ELMO1: variants seen among roughly 807,000 people sequenced by gnomAD.
ELMO1 encodes engulfment and cell motility 1, also known as engulfment and cell motility protein 1.
Under a neutral mutation model 98.9 loss-of-function variants are expected in ELMO1, and 26 were observed. That is an observed-to-expected ratio of 0.26 (90% CI 0.19 to 0.36). ELMO1 has a LOEUF of 0.36. Among genes scored for constraint, ELMO1 ranks in the 10% least tolerant of loss-of-function variants. The pLI, the probability that ELMO1 is intolerant of heterozygous loss-of-function variation, is 1.00. For missense variants in ELMO1, 627 were observed against 935.2 expected, an observed-to-expected ratio of 0.67 and a Z score of 4.30; for synonymous variants, 346 against 346.0, an observed-to-expected ratio of 1.00 and a Z score of 0.00.
At chr7:37,032,421 A>C (rs1293112608) in intron 15 of ELMO1, among the ~76,000 whole-genome samples, 1 of 152,150 alleles carries the variant, frequency 6.6e-6, no homozygotes, top group Non-Finnish European at 1.5e-5. Flanking sequence ...GAAGGTCAGT[A>C]ACTGGATGCT....
intron 16 of ELMO1, among the ~76,000 whole-genome samples, chr7:36,899,682 A>ACCTTTTTTTTTTTTTTTTTTTTTT (rs1806332124): frequency 1.9e-4 from 1 of 5,396 alleles, no homozygotes; most frequent in African/African-American, 5.8e-4. Context: ...ATCTTTACTC[A>ACCTTTTTTTTTTTTTTTTTTTTTT]TCTTTTTTTT....
At chr7:36,857,962 A>G (rs1802333768) in intron 21 of ELMO1, among the ~76,000 whole-genome samples, 1 of 151,410 alleles carries the variant, frequency 6.6e-6, no homozygotes, top group African/African-American at 2.4e-5. Flanking sequence ...TGCCAACCCA[A>G]TGGTGTTCCT....
At chr7:37,146,899 G>A (rs1317439106) in intron 13 of ELMO1, among the ~76,000 whole-genome samples, 2 of 152,048 alleles carry the variant, frequency 1.3e-5, no homozygotes, top group Non-Finnish European at 1.5e-5. Context: ...AACAAGTGAC[G>A]AGGTACCTGT....
intron 4 of ELMO1, among the ~76,000 whole-genome samples, chr7:37,295,045 A>AT (rs139273479): frequency 0.096 from 14,558 of 152,176 alleles, 932 homozygotes; most frequent in Middle Eastern, 0.18. Context: ...GAGTGAAAAA[A>AT]TTAAATGCAA....
At chr7:37,306,596 C>T (rs1339324227) in intron 4 of ELMO1, among the ~76,000 whole-genome samples, 2 of 152,152 alleles carry the variant, frequency 1.3e-5, no homozygotes, top group African/African-American at 4.8e-5. Context: ...GGTACTAGGA[C>T]CAGCTGTACT....
At chr7:37,238,282 T>C (rs993684993) in intron 7 of ELMO1, among the ~76,000 whole-genome samples, 2 of 152,226 alleles carry the variant, frequency 1.3e-5, no homozygotes, top group African/African-American at 4.8e-5. Context: ...GATGAATTTA[T>C]CCCTAAAAAT....
intron 13 of ELMO1, among the ~76,000 whole-genome samples, chr7:37,138,467 G>A (rs1282013448): frequency 6.6e-6 from 1 of 151,974 alleles, no homozygotes; most frequent in Non-Finnish European, 1.5e-5. Context: ...AAACTAGAAA[G>A]CCTAGAAGAG....
intron 16 of ELMO1, among the ~76,000 whole-genome samples, chr7:36,967,653 T>C (rs774812121): frequency 3.3e-5 from 5 of 152,152 alleles, no homozygotes; most frequent in African/African-American, 7.2e-5. Flanking sequence ...GTAACACCAA[T>C]AGGAGTTTCT....
At chr7:37,078,162 A>G (rs183699226) in intron 15 of ELMO1, among the ~76,000 whole-genome samples, 2 of 152,324 alleles carry the variant, frequency 1.3e-5, no homozygotes, top group East Asian at 3.9e-4. Context: ...TGAATATATA[A>G]TAATGAATCC....
intron 1 of ELMO1, among the ~76,000 whole-genome samples, chr7:37,432,500 C>T (rs369147670): frequency 2.0e-5 from 3 of 152,318 alleles, no homozygotes; most frequent in South Asian, 4.1e-4. Flanking sequence ...CTCAGCTCTG[C>T]ACTTGAACAT....
intron 16 of ELMO1, among the ~76,000 whole-genome samples, chr7:37,003,677 C>T (rs572281524): frequency 6.6e-6 from 1 of 152,138 alleles, no homozygotes; most frequent in African/African-American, 2.4e-5. Flanking sequence ...GTTGAATATG[C>T]ATATGAAGTT....
chr7:36,907,528 C>T (rs1784051299), intron 16 of ELMO1, among the ~76,000 whole-genome samples: 1 of 152,206 alleles, frequency 6.6e-6, no homozygotes, highest in African/African-American at 2.4e-5. Context: ...GTTCCTCAGT[C>T]GTGTGAAGTC....
At chr7:37,146,688 A>T (rs1213449242) in intron 13 of ELMO1, among the ~76,000 whole-genome samples, 3 of 152,180 alleles carry the variant, frequency 2.0e-5, no homozygotes, top group Non-Finnish European at 4.4e-5. Context: ...CTCCATATGT[A>T]ACAGGAATTT....
At chr7:37,009,979 A>G (rs17170830) in intron 16 of ELMO1, among the ~76,000 whole-genome samples, 42,404 of 152,152 alleles carry the variant, frequency 0.28, 7,779 homozygotes, top group African/African-American at 0.53. Context: ...CTTATTATCA[A>G]GTAAAGCAGA....
chr7:37,086,787 CA>C (rs1316389354), intron 15 of ELMO1, among the ~76,000 whole-genome samples: 14 of 147,116 alleles, frequency 9.5e-5, no homozygotes, highest in Admixed American at 6.8e-4. Flanking sequence ...ACTTTCTTGC[CA>C]AAAAAAAATA....
chr7:37,176,506 A>G (rs551958328), intron 13 of ELMO1, among the ~76,000 whole-genome samples: 1 of 152,264 alleles, frequency 6.6e-6, no homozygotes, highest in African/African-American at 2.4e-5. Context: ...GCTTACAAAA[A>G]TACTAGAACA....
intron 1 of ELMO1, among the ~76,000 whole-genome samples, chr7:37,360,794 GT>G (rs1161956375): frequency 3.3e-5 from 5 of 152,120 alleles, no homozygotes; most frequent in Admixed American, 2.6e-4. Flanking sequence ...ATCTACAAAG[GT>G]GGTGTCTACA....
chr7:37,321,341 C>T (rs1799479443), intron 2 of ELMO1, among the ~76,000 whole-genome samples: 1 of 152,106 alleles, frequency 6.6e-6, no homozygotes, highest in Non-Finnish European at 1.5e-5. Context: ...TTCTCCAAGA[C>T]CTGAGAGTAG....
chr7:36,999,558 T>C (rs1358696724), intron 16 of ELMO1, among the ~76,000 whole-genome samples: 1 of 152,180 alleles, frequency 6.6e-6, no homozygotes, highest in Non-Finnish European at 1.5e-5. Flanking sequence ...CAACTTATTA[T>C]GGTGAGTTAA....
Sources: allele counts gnomAD v4.1 joint callset (sites outside exome capture counted in the v4.1 genomes callset), GRCh38; gene constraint gnomAD v4.1.1; transcripts MANE v1.5; gene names NCBI Gene and HGNC (gene_info 2026-07-23, HGNC 2026-07-21).